Variants in FRMPD4 observed in about 807,000 individuals in gnomAD.
The protein encoded by FRMPD4 is FERM and PDZ domain-containing protein 4.
Under a neutral mutation model 94.1 loss-of-function variants are expected in FRMPD4, and 22 were observed. The ratio of observed to expected loss-of-function variants is 0.23; its 90% CI spans 0.17 to 0.33. The LOEUF (loss-of-function observed/expected upper bound fraction) is 0.33, where lower values mean the gene tolerates loss of function less well. FRMPD4 is among the 10% of genes least tolerant of loss of function. The pLI, the probability that FRMPD4 is intolerant of heterozygous loss-of-function variation, is 1.00. For missense variants in FRMPD4, 1,111 were observed against 1,339.9 expected (o/e 0.83, Z 2.67); for synonymous variants, 631 against 548.6 (o/e 1.15, Z -2.10).
chrX:12,262,722 G>A (rs763635645), intron 1 of FRMPD4, among the ~76,000 whole-genome samples: 1 of 111,686 alleles, frequency 9.0e-6, no homozygotes, highest in Admixed American at 9.5e-5. Flanking sequence ...TGTCACTTAG[G>A]GTCTTGAGGA....
rs947191023 is a variant in FRMPD4 at position 11,851,010 on chromosome X, C to T, written c.-160-14076C>T. On this transcript the variant is annotated intron_variant, in intron 1 of 18. Transcript: ENST00000640291. ...AATTAGTAAAAGACAACCAAGTGAG[C>T]CTCCTCTGGTGGACATAGTGAAGCT... 4.5e-5 allele frequency among the ~76,000 whole-genome samples: 5 copies of T among 111,507 alleles called. No individual in the cohort carries two copies. In the East Asian group the frequency reaches 1.1e-3, roughly 25 times the overall value.
At chrX:12,650,166 T>G (rs73446894) in intron 4 of FRMPD4, among the ~76,000 whole-genome samples, 281 of 112,443 alleles carry the variant, frequency 2.5e-3, no homozygotes, top group African/African-American at 8.6e-3. Context: ...CGGGAAGTGA[T>G]ATACGGGACT....
intron 4 of FRMPD4, among the ~76,000 whole-genome samples, chrX:12,645,415 G>A (rs371517768): frequency 6.7e-4 from 64 of 94,901 alleles, no homozygotes; most frequent in African/African-American, 2.6e-3. Context: ...GAGTGTAATG[G>A]CACAATCTCA....
chrX:12,476,799 A>G (rs924225794), intron 1 of FRMPD4, among the ~76,000 whole-genome samples: 4 of 111,683 alleles, frequency 3.6e-5, no homozygotes, highest in Admixed American at 1.9e-4. Context: ...GGTGATCATT[A>G]AAAAGTCAGG....
At chrX:11,919,670 C>T (rs760423106) in intron 3 of FRMPD4, among the ~76,000 whole-genome samples, 33 of 111,554 alleles carry the variant, frequency 3.0e-4, no homozygotes, top group Admixed American at 1.1e-3. Flanking sequence ...GGAGCTCCAC[C>T]GTGAAAACTA....
intron 1 of FRMPD4, among the ~76,000 whole-genome samples, chrX:11,833,489 C>T (rs2053485711): frequency 8.9e-6 from 1 of 111,981 alleles, no homozygotes; most frequent in Non-Finnish European, 1.9e-5. Flanking sequence ...TGTTGCTCCC[C>T]CATCGTCACC....
At chrX:12,094,954 A>C (rs902028816) in intron 3 of FRMPD4, among the ~76,000 whole-genome samples, 2 of 111,841 alleles carry the variant, frequency 1.8e-5, no homozygotes, top group Non-Finnish European at 3.8e-5. Context: ...GGTTTTACTC[A>C]CTCAGTCACA....
chrX:12,086,859 T>C (rs2055115242), intron 3 of FRMPD4, among the ~76,000 whole-genome samples: 1 of 111,778 alleles, frequency 8.9e-6, no homozygotes, highest in African/African-American at 3.3e-5. Context: ...GTTCCTTTCC[T>C]GGGGCCATCA....
chrX:11,833,139 A>T (rs944715199), intron 1 of FRMPD4, among the ~76,000 whole-genome samples: 3 of 112,046 alleles, frequency 2.7e-5, no homozygotes, highest in Non-Finnish European at 3.8e-5. Context: ...CATGCATTTA[A>T]ATTTCCTCCT....
chrX:12,128,589 T>A (rs919187037), intron 3 of FRMPD4, among the ~76,000 whole-genome samples: 2 of 112,524 alleles, frequency 1.8e-5, no homozygotes, highest in African/African-American at 6.5e-5. Context: ...ATTCAGCTCC[T>A]CATTACTTAT....
At chrX:12,529,395 T>A (rs138452086) in intron 2 of FRMPD4, among the ~76,000 whole-genome samples, 2,802 of 112,557 alleles carry the variant, frequency 0.025, 35 homozygotes, top group Non-Finnish European at 0.037. Context: ...ATCATAGAAG[T>A]GATATCTCCC....
chrX:12,471,624 G>A (rs897726821), intron 1 of FRMPD4, among the ~76,000 whole-genome samples: 7 of 111,718 alleles, frequency 6.3e-5, no homozygotes, highest in African/African-American at 2.3e-4. Context: ...GTGCACACAA[G>A]CCCCAAATTT....
intron 3 of FRMPD4, among the ~76,000 whole-genome samples, chrX:11,993,634 T>G (rs1272004057): frequency 8.9e-6 from 1 of 112,520 alleles, no homozygotes; most frequent in African/African-American, 3.2e-5. Flanking sequence ...TTACTATGTC[T>G]ATCTTGAGCC....
intron 3 of FRMPD4, among the ~76,000 whole-genome samples, chrX:11,887,959 T>C (rs2053855073): frequency 8.9e-6 from 1 of 112,522 alleles, no homozygotes; most frequent in Admixed American, 9.4e-5. Context: ...AAAAAATGGG[T>C]TTATTTTCCA....
chrX:12,421,813 GT>G (rs1284611371), intron 1 of FRMPD4, among the ~76,000 whole-genome samples: 1 of 105,809 alleles, frequency 9.5e-6, no homozygotes, highest in Non-Finnish European at 1.9e-5. Flanking sequence ...TGAATTTCTA[GT>G]TGATCACATA....
chrX:12,081,771 C>G (rs1328859484), intron 3 of FRMPD4, among the ~76,000 whole-genome samples: 3 of 111,518 alleles, frequency 2.7e-5, no homozygotes, highest in Non-Finnish European at 5.7e-5. Context: ...CAGCTCCTAC[C>G]TTAGAAAATT....
chrX:12,476,855 A>G (rs1291575659), intron 1 of FRMPD4, among the ~76,000 whole-genome samples: 2 of 111,943 alleles, frequency 1.8e-5, no homozygotes, highest in Non-Finnish European at 3.8e-5. Flanking sequence ...GAACACTTTT[A>G]CACTGTTGGT....
intron 1 of FRMPD4, among the ~76,000 whole-genome samples, chrX:12,388,818 G>GATATATATATATAT (rs3068660): frequency 7.1e-4 from 43 of 60,721 alleles, no homozygotes; most frequent in African/African-American, 3.1e-3. Context: ...AAGAAAATGT[G>GATATATATATATAT]ATATATATAT....
At chrX:12,267,208 A>G (rs752303158) in intron 1 of FRMPD4, among the ~76,000 whole-genome samples, 2 of 112,163 alleles carry the variant, frequency 1.8e-5, no homozygotes, top group African/African-American at 3.2e-5. Context: ...ATCAAGAGGG[A>G]GAAAGAAATG....
Sources: allele counts gnomAD v4.1 joint callset (sites outside exome capture counted in the v4.1 genomes callset), GRCh38; gene constraint gnomAD v4.1.1; transcripts MANE v1.5; gene names NCBI Gene and HGNC (gene_info 2026-07-23, HGNC 2026-07-21).